Variants in CCDC30 observed in about 807,000 individuals in gnomAD.
CCDC30 encodes the protein coiled-coil domain containing 30, also known as coiled-coil domain-containing protein 30.
In CCDC30, 70 loss-of-function variants were observed where a neutral mutation model predicts 100.2. That is an observed-to-expected ratio of 0.70 (90% CI 0.58 to 0.85). The LOEUF is 0.85. Among genes scored for constraint, CCDC30 ranks in the 40% least tolerant of loss-of-function variants. The probability of loss-of-function intolerance (pLI) is 0.00; values close to 1 mark genes in which losing one functional copy is unlikely to be tolerated. For missense variants in CCDC30, 652 were observed against 771.2 expected, an observed-to-expected ratio of 0.85 and a Z score of 1.83; for synonymous variants, 233 against 269.5, an observed-to-expected ratio of 0.86 and a Z score of 1.33.
chr1:42,635,785 G>T (rs1240067039), intron 11 of CCDC30, among the ~76,000 whole-genome samples: 1 of 149,162 alleles, frequency 6.7e-6, no homozygotes, highest in South Asian at 2.1e-4. Context: ...TCCAGCCTGG[G>T]CAACAGAGTG....
intron 13 of CCDC30, among the ~76,000 whole-genome samples, chr1:42,643,706 A>C (rs776945558): frequency 1.3e-5 from 2 of 152,194 alleles, no homozygotes; most frequent in Non-Finnish European, 2.9e-5. Context: ...GATTTGTCAC[A>C]ACAGTGTATA....
intron 9 of CCDC30, 74 bp from the exon 14 acceptor site, chr1:42,589,247 A>T: frequency 1.6e-6 from 2 of 1,223,496 alleles, no homozygotes; most frequent in Non-Finnish European, 2.3e-6. Context: ...ATCCCTTGTG[A>T]TGCCATAAAA....
chr1:42,644,190 A>G (rs1449797692), intron 13 of CCDC30, among the ~76,000 whole-genome samples: 1 of 152,214 alleles, frequency 6.6e-6, no homozygotes, highest in African/African-American at 2.4e-5. Context: ...CACAATCACA[A>G]AGTCCACAAT....
intron 6 of CCDC30, 21 bp downstream of exon 8, chr1:42,539,331 T>C: frequency 6.3e-7 from 1 of 1,576,892 alleles, no homozygotes; most frequent in South Asian, 1.2e-5. Flanking sequence ...GTTAGGTATT[T>C]AAATGTTCAA....
At chr1:42,623,979 T>C (rs1646886956) in intron 11 of CCDC30, among the ~76,000 whole-genome samples, 1 of 152,218 alleles carries the variant, frequency 6.6e-6, no homozygotes, top group Non-Finnish European at 1.5e-5. Flanking sequence ...AGGTATTTAA[T>C]TTTATGTCTG....
intron 6 of CCDC30, among the ~76,000 whole-genome samples, chr1:42,563,346 A>C (rs747689233): frequency 6.6e-6 from 1 of 152,136 alleles, no homozygotes; most frequent in Non-Finnish European, 1.5e-5. Context: ...CAGCAAACTA[A>C]CACAGGAACG....
intron 6 of CCDC30, among the ~76,000 whole-genome samples, chr1:42,564,292 A>G (rs751256688): frequency 2.0e-5 from 3 of 152,110 alleles, no homozygotes; most frequent in African/African-American, 7.2e-5. Flanking sequence ...TGTTTGATAC[A>G]TGTGCTTTTT....
Position 42,558,921 on chromosome 1 carries a change from C to T in CCDC30, c.457-7375C>T, listed in dbSNP as rs528259584. On this transcript the variant is annotated intron_variant, in intron 6 of 16. Coordinates refer to ENST00000668663, the Ensembl canonical transcript of CCDC30. Reference sequence around the variant, plus strand: ...AGGCCAGGTCACCTACAAAGGGAAGCCTATCAGTTTAACAGTGGACCTCTC... The same window carrying T: ...AGGCCAGGTCACCTACAAAGGGAAGTCTATCAGTTTAACAGTGGACCTCTC... Among the ~76,000 whole-genome samples, 3 of 152,278 alleles carry T rather than the reference C, an allele frequency of 2.0e-5. No individual in the cohort carries two copies. In the South Asian group the frequency reaches 6.2e-4, roughly 32 times the overall value.
At chr1:42,595,831 C>T (rs1646276718) in intron 10 of CCDC30, among the ~76,000 whole-genome samples, 1 of 152,170 alleles carries the variant, frequency 6.6e-6, no homozygotes, top group African/African-American at 2.4e-5. Context: ...TCCATGAGCC[C>T]TCTAAGCAGG....
chr1:42,456,552 C>A, the CCDC30 span: 1 of 1,456,204 alleles, frequency 6.9e-7, no homozygotes, highest in South Asian at 1.4e-5. Flanking sequence ...CAGGCGCCGG[C>A]CGCTGCGCTG....
intron 7 of CCDC30, among the ~76,000 whole-genome samples, chr1:42,575,323 T>C (rs1645810000): frequency 6.6e-6 from 1 of 152,150 alleles, no homozygotes; most frequent in Non-Finnish European, 1.5e-5. Flanking sequence ...TCTCTGGTTC[T>C]TTGATAGGCC....
intron 12 of CCDC30, among the ~76,000 whole-genome samples, chr1:42,642,087 G>T (rs1046183810): frequency 6.6e-6 from 1 of 151,874 alleles, no homozygotes; most frequent in Non-Finnish European, 1.5e-5. Flanking sequence ...TTAGCCGGGC[G>T]TAGTGGTGGG....
intron 10 of CCDC30, 28 bp from the exon 15 acceptor site, chr1:42,610,950 G>A: frequency 8.4e-7 from 1 of 1,186,554 alleles, no homozygotes; most frequent in East Asian, 2.3e-5. Context: ...TCAGGTCAGA[G>A]TTCTCATTAT....
chr1:42,545,162 TAAAAAAAAA>T (rs57060353), intron 6 of CCDC30, among the ~76,000 whole-genome samples: 2 of 64,676 alleles, frequency 3.1e-5, no homozygotes, highest in African/African-American at 9.8e-5. Context: ...AAAATACCTT[TAAAAAAAAA>T]AAAAAAAAAA....
At chr1:42,524,982 T>C (rs1250899278) in intron 6 of CCDC30, among the ~76,000 whole-genome samples, 1 of 152,256 alleles carries the variant, frequency 6.6e-6, no homozygotes, top group Non-Finnish European at 1.5e-5. Context: ...CAATACTTTA[T>C]AGATATCATT....
intron 6 of CCDC30, among the ~76,000 whole-genome samples, chr1:42,564,907 A>G (rs1387626002): frequency 6.6e-6 from 1 of 152,094 alleles, no homozygotes; most frequent in Non-Finnish European, 1.5e-5. Context: ...CAACTTTTTC[A>G]GAGTCCACGT....
At chr1:42,535,903 A>G (rs12568659) in intron 6 of CCDC30, among the ~76,000 whole-genome samples, 20,226 of 148,594 alleles carry the variant, frequency 0.14, 1,525 homozygotes, top group East Asian at 0.19. Context: ...AATAGAGTAG[A>G]TATTAAAAGT....
intron 10 of CCDC30, among the ~76,000 whole-genome samples, chr1:42,607,348 G>C (rs532295283): frequency 1.3e-5 from 2 of 152,254 alleles, no homozygotes; most frequent in Admixed American, 1.3e-4. Context: ...AAGAGGTTTA[G>C]CTTTAAAAAT....
intron 6 of CCDC30, chr1:42,533,995 A>G (rs1644850017): frequency 1.3e-5 from 2 of 151,992 alleles, no homozygotes; most frequent in Admixed American, 6.6e-5. Context: ...TCTGTATCCT[A>G]TTGCTCATCT....
Sources: gnomAD v4.1 joint callset for allele counts (sites outside exome capture counted in the v4.1 genomes callset) on GRCh38, gnomAD v4.1.1 for gene constraint, MANE v1.5 for transcripts, NCBI Gene and HGNC (gene_info 2026-07-23, HGNC 2026-07-21) for gene names.